The following DDX60L variants were observed in gnomAD, a reference collection of about 807,000 sequenced individuals.
DDX60L encodes the protein DExD/H-box 60 like.
A neutral mutation model predicts 211.6 loss-of-function variants in DDX60L; 191 were observed. The observed-to-expected ratio is 0.90, with a 90% CI of 0.80 to 1.02. The LOEUF (loss-of-function observed/expected upper bound fraction) is 1.02, where lower values mean the gene tolerates loss of function less well. Ranked by LOEUF, DDX60L falls within the 50% of genes least tolerant of loss-of-function variation. DDX60L has a pLI of 0.00. For synonymous variants in DDX60L, 706 were observed against 694.1 expected, an observed-to-expected ratio of 1.02 and a Z score of -0.27; for missense variants, 2,007 against 1,984.1, an observed-to-expected ratio of 1.01 and a Z score of -0.22.
intron 5 of DDX60L, among the ~76,000 whole-genome samples, chr4:168,460,326 A>T (rs1757155031): frequency 6.6e-6 from 1 of 152,234 alleles, no homozygotes; most frequent in South Asian, 2.1e-4. Context: ...TTCAGACTTC[A>T]TGAGTTTATG....
chr4:168,448,358 A>T (rs1755142041), intron 9 of DDX60L, among the ~76,000 whole-genome samples: 1 of 152,166 alleles, frequency 6.6e-6, no homozygotes, highest in Non-Finnish European at 1.5e-5. Context: ...TAGTGAAAGG[A>T]TTATATTAAT....
chr4:168,380,730 G>A, intron 30 of DDX60L: 1 of 152,152 alleles, frequency 6.6e-6, no homozygotes, highest in East Asian at 1.9e-4. Flanking sequence ...ACTGCATAGT[G>A]GACAGAGGTT....
intron 8 of DDX60L, among the ~76,000 whole-genome samples, chr4:168,451,820 A>G (rs1412779330): frequency 6.6e-6 from 1 of 152,084 alleles, no homozygotes; most frequent in African/African-American, 2.4e-5. Flanking sequence ...CACACTAAAC[A>G]TATCTGAGCT....
intron 26 of DDX60L, among the ~76,000 whole-genome samples, chr4:168,396,426 A>G (rs909633742): frequency 1.3e-5 from 2 of 152,118 alleles, no homozygotes; most frequent in African/African-American, 2.4e-5. Context: ...TCTTTTGAGC[A>G]GTGGCCAGAG....
intron 23 of DDX60L, 135 bp downstream of exon 23, chr4:168,406,467 A>G (rs1451846448): frequency 6.2e-6 from 4 of 642,646 alleles, no homozygotes; most frequent in Admixed American, 6.6e-5. Context: ...ATAAGAAAAA[A>G]TAACTGATTA....
Position 168,448,736 on chromosome 4 carries a change from A to C in DDX60L, c.1040T>G (p.Phe347Cys). Residue 347 changes from phenylalanine to cysteine, a missense_variant, in exon 9 of 38, where the codon TTT (phenylalanine) becomes TGT (cysteine). Transcript: ENST00000682922. ...EYFILSNLNV[F>C]GCWNLNLNHV... is the part of the protein sequence containing the mutation. ...ATTTAAATTCAGATTCCAGCATCCA[A>C]AAACGTTTAAGTTGCTTAAAATGAA... is the stretch of plus-strand genomic sequence containing the variant. The C allele has an allele frequency of 6.2e-7, 1 of 1,607,442 alleles. No individual in the cohort carries two copies. The highest frequency in any genetic ancestry group is 8.5e-7 in the Non-Finnish European group (1 of 1,175,076).
At chr4:168,421,369 T>G (rs2014622) in intron 17 of DDX60L, among the ~76,000 whole-genome samples, 1 of 152,012 alleles carries the variant, frequency 6.6e-6, no homozygotes, top group Admixed American at 6.5e-5. Context: ...ATATCAAAAA[T>G]AGTTTCTTGG....
rs1190449396 is a variant in DDX60L at position 168,471,837 on chromosome 4, C to T, written c.174G>A (p.Trp58Ter). Residue 58 changes from tryptophan (W) to a stop codon, truncating the protein, a stop_gained, in exon 4 of 38, where the codon TGG (tryptophan) becomes TGA (stop). Transcript: ENST00000682922. LOFTEE classifies it high-confidence loss of function. ...VTCLGVKSFK[W>*]GQNLHFFYLV... ...GATAGAAAAAGTGGAGATTCTGTCC[C>T]CACTTGAATGATTTTACACCCAGGC... is the stretch of plus-strand genomic sequence containing the variant. 1 of 1,613,540 alleles carries T rather than the reference C, an allele frequency of 6.2e-7. No homozygotes were observed. The highest frequency in any genetic ancestry group is 2.2e-5 in the East Asian group (1 of 44,844).
At chr4:168,405,519 A>C (rs974049509) in intron 24 of DDX60L, among the ~76,000 whole-genome samples, 1 of 152,180 alleles carries the variant, frequency 6.6e-6, no homozygotes, top group East Asian at 1.9e-4. Flanking sequence ...CATCATGTAC[A>C]TGAGTTTCAG....
At chr4:168,426,283 G>T (rs952825866) in intron 14 of DDX60L, among the ~76,000 whole-genome samples, 2 of 152,186 alleles carry the variant, frequency 1.3e-5, no homozygotes, top group African/African-American at 2.4e-5. Flanking sequence ...AAAGACATGA[G>T]ACTCCTGGGT....
rs974620089 is a variant in DDX60L at position 168,419,062 on chromosome 4, AT to A, written c.2610+239del. On this transcript the variant is annotated intron_variant, in intron 19 of 37. Transcript: ENST00000682922. ...CTTACAGGGTTGAAAGGCTTGTACT[AT>A]TCTGGATTACTGCACTTACCTTGTG... 9.8e-5 allele frequency among the ~76,000 whole-genome samples: 15 copies of A among 152,318 alleles called. 1 individual carries two copies. Among genetic ancestry groups the A allele is most frequent in the African/African-American group, 2.6e-4 (11 of 41,570 alleles).
In DDX60L at chr4:168,432,515, G is replaced by A; in HGVS notation, c.1456C>T (p.His486Tyr). 1.3e-6 allele frequency: 2 copies of A among 1,586,158 alleles called. No individual in the cohort carries two copies. The highest frequency in any genetic ancestry group is 1.7e-6 in the Non-Finnish European group (2 of 1,163,924). Residue 486 changes from histidine to tyrosine, a missense_variant, in exon 12 of 38, where the codon CAC becomes TAC. Transcript: ENST00000682922. ...CTAAGGAGTCTTTGAGCATGCCAGTGCAAAAGTTCATCAGATGTCTTTTGT... is the reference window on the plus strand; with the variant it reads ...CTAAGGAGTCTTTGAGCATGCCAGTACAAAAGTTCATCAGATGTCTTTTGT... ...FKQKTSDELL[H>Y]WHAQRLLSDD... is the part of the protein sequence containing the mutation.
chr4:168,420,445 C>G, intron 17 of DDX60L, 65 bp from the exon 18 acceptor site: 1 of 1,337,474 alleles, frequency 7.5e-7, no homozygotes, highest in Non-Finnish European at 1.0e-6. Flanking sequence ...ACCTTGAGGA[C>G]AACCGAATCC....
intron 4 of DDX60L, chr4:168,470,346 C>T (rs1396679401): frequency 1.3e-5 from 2 of 152,196 alleles, no homozygotes; most frequent in South Asian, 2.1e-4. Context: ...TGTGAATGCA[C>T]ATAGTAGCTT....
At chr4:168,390,235 G>C (rs1412075287) in intron 29 of DDX60L, 2 of 1,048,960 alleles carry the variant, frequency 1.9e-6, no homozygotes, top group Non-Finnish European at 2.3e-6. Flanking sequence ...TAGTGATTTT[G>C]GCAAGGAAGA....
chr4:168,466,343 G>A (rs1327166939), intron 4 of DDX60L, among the ~76,000 whole-genome samples: 3 of 152,042 alleles, frequency 2.0e-5, no homozygotes, highest in Non-Finnish European at 2.9e-5. Flanking sequence ...GCAATATAAA[G>A]GATAAATGAG....
chr4:168,439,902 T>A (rs1233829965), intron 10 of DDX60L, among the ~76,000 whole-genome samples: 2 of 152,178 alleles, frequency 1.3e-5, no homozygotes, highest in Non-Finnish European at 2.9e-5. Flanking sequence ...AATCATAGAC[T>A]TGTGAAATAC....
At chr4:168,408,407 C>T (rs1387331) in intron 22 of DDX60L, among the ~76,000 whole-genome samples, 1 of 152,158 alleles carries the variant, frequency 6.6e-6, no homozygotes, top group African/African-American at 2.4e-5. Flanking sequence ...TTTTTCATCA[C>T]TTTGTCAACT....
In DDX60L at chr4:168,405,981, G is replaced by T. The variant is rs1479726116; in HGVS notation, c.3182C>A (p.Thr1061Lys). The stretch of plus-strand genomic sequence containing the variant: ...CACTTGGCCATTTTTAATCCAATTT[G>T]TCAATTCTGCCTTTAAGTTTTCTTC... Reference protein sequence around the residue: ...KYEENLKAELTNWIKNGQVKK... With the variant: ...KYEENLKAELKNWIKNGQVKK... The change falls in exon 24 of 38, where the codon ACA becomes AAA. Residue 1061 changes from threonine (T) to lysine (K), a missense_variant. Thr to Lys is a moderately conservative substitution (Grantham distance 78). Coordinates refer to ENST00000682922, the MANE Select transcript of DDX60L (RefSeq NM_001012967.3). 6.3e-7 allele frequency: 1 copy of T among 1,590,242 alleles called. No homozygotes were observed. Among genetic ancestry groups the T allele is most frequent in the African/African-American group, 1.3e-5 (1 of 74,110 alleles).
Sources: allele counts gnomAD v4.1 joint callset (sites outside exome capture counted in the v4.1 genomes callset), GRCh38; gene constraint gnomAD v4.1.1; transcripts MANE v1.5; gene names NCBI Gene and HGNC (gene_info 2026-07-23, HGNC 2026-07-21).